Variants in TMC3 observed in about 807,000 individuals in gnomAD.
TMC3 encodes the protein transmembrane channel like 3, also known as transmembrane channel-like protein 3.
In TMC3, 98 loss-of-function variants were observed where a neutral mutation model predicts 110.6. The observed-to-expected ratio is 0.89, with a 90% CI of 0.75 to 1.05. The LOEUF (loss-of-function observed/expected upper bound fraction) is 1.05. Ranked by LOEUF, TMC3 falls within the 50% of genes least tolerant of loss-of-function variation. The probability of loss-of-function intolerance (pLI) is 0.00; values close to 1 mark genes in which losing one functional copy is unlikely to be tolerated. For synonymous variants in TMC3, 489 were observed against 513.1 expected, an observed-to-expected ratio of 0.95 and a Z score of 0.63; for missense variants, 1,319 against 1,373.2, an observed-to-expected ratio of 0.96 and a Z score of 0.62.
In TMC3 at chr15:81,374,150, G is replaced by GA; in HGVS notation, c.-74dup. 2 of 1,381,588 alleles carry GA rather than the reference G, an allele frequency of 1.4e-6. No individual in the cohort carries two copies. The highest frequency in any genetic ancestry group is 2.0e-6 in the Non-Finnish European group (2 of 982,840). The allele number at this position is 1,381,588 out of a possible 1,614,324, so 85.6% of individuals were successfully genotyped here. ...AAGTTGGCAGGCAAAGGTCTGTTCCGAGGTTTCTGAATGGAAGCAGCGGAG... is the reference window on the plus strand; with the variant it reads ...AAGTTGGCAGGCAAAGGTCTGTTCCGAAGGTTTCTGAATGGAAGCAGCGGAG... On this transcript the variant is annotated 5_prime_UTR_variant, in exon 1 of 22. Transcript: ENST00000359440.
At position 81,344,945 on chromosome 15, in the gene TMC3, CT is replaced by C; in HGVS notation, c.1338del (p.Ala447ProfsTer37). 6.2e-7 allele frequency: 1 copy of C among 1,612,260 alleles called. No individual in the cohort carries two copies. Among genetic ancestry groups the C allele is most frequent in the Non-Finnish European group, 8.5e-7 (1 of 1,179,236 alleles). On this transcript the variant is annotated frameshift_variant, in exon 13 of 22. Transcript: ENST00000359440. LOFTEE classifies it high-confidence loss of function. ...GTGGACCATTTCTCTTCTTCAGGGGCTGTCCTGGTTGCAAAGAAGGTGGTGG... is the reference window on the plus strand; with the variant it reads ...GTGGACCATTTCTCTTCTTCAGGGGCGTCCTGGTTGCAAAGAAGGTGGTGG... ...IDSTTFFATRTAPEEEKWSTS... is the reference protein window; with the variant it reads ...IDSTTFFATRXAPEEEKWSTS...
chr15:81,339,393 C>T lies in TMC3; in HGVS notation c.1955+1G>A. On this transcript the variant is annotated splice_donor_variant, in intron 17 of 21. Coordinates refer to ENST00000359440, the MANE Select transcript of TMC3 (RefSeq NM_001080532.3). LOFTEE classifies it high-confidence loss of function. ...CGGGCAGAGCTGGGAACGAAACTTA[C>T]CTGAATGGCCCACAGTTTAGAGATG... 1.9e-6 allele frequency: 3 copies of T among 1,606,680 alleles called. No individual in the cohort carries two copies. Among genetic ancestry groups the T allele is most frequent in the East Asian group, 2.2e-5 (1 of 44,680 alleles).
chr15:81,341,985 G>T (rs1321986168), intron 15 of TMC3, among the ~76,000 whole-genome samples: 9 of 152,192 alleles, frequency 5.9e-5, no homozygotes. Context: ...CTGCAATAGT[G>T]AGAGGAGAGG....
At chr15:81,372,455 A>T in intron 2 of TMC3, 136 bp downstream of exon 2, 2 of 1,047,974 alleles carry the variant, frequency 1.9e-6, no homozygotes, top group South Asian at 2.9e-5. Flanking sequence ...TATCTTTGTG[A>T]CTTTGCTAAT....
At chr15:81,357,203 G>A (rs1477260790) in intron 7 of TMC3, among the ~76,000 whole-genome samples, 1 of 152,018 alleles carries the variant, frequency 6.6e-6, no homozygotes, top group Non-Finnish European at 1.5e-5. Flanking sequence ...AGTCTTCCAT[G>A]TGGGTCCTGG....
chr15:81,348,962 G>A (rs1035180883), intron 11 of TMC3, among the ~76,000 whole-genome samples: 19 of 152,220 alleles, frequency 1.2e-4, no homozygotes, highest in African/African-American at 4.1e-4. Flanking sequence ...ATAGGCATGC[G>A]CCACCACGCC....
At chr15:81,341,564 T>C (rs766391241) in intron 15 of TMC3, 46 bp from the exon 16 acceptor site, 3 of 1,582,288 alleles carry the variant, frequency 1.9e-6, no homozygotes, top group East Asian at 2.3e-5. Context: ...TCTTTCAGCC[T>C]ATCTCCCAGG....
At chr15:81,343,745 CAAA>C (rs377587040) in intron 14 of TMC3, among the ~76,000 whole-genome samples, 169 bp downstream of exon 14, 2 of 117,742 alleles carry the variant, frequency 1.7e-5, no homozygotes, top group Non-Finnish European at 3.7e-5. Context: ...AAAAAACAGA[CAAA>C]AAAAAAAAAA....
intron 3 of TMC3, among the ~76,000 whole-genome samples, chr15:81,364,064 T>C (rs1377238825): frequency 6.6e-6 from 1 of 152,192 alleles, no homozygotes; most frequent in East Asian, 1.9e-4. Flanking sequence ...AAGATTTGAT[T>C]AGTGGCATTC....
chr15:81,332,929 C>A lies in TMC3; in HGVS notation c.2793G>T (p.Arg931=). The A allele has an allele frequency of 6.2e-7, 1 of 1,612,460 alleles. No individual in the cohort carries two copies. The highest frequency in any genetic ancestry group is 8.5e-7 in the Non-Finnish European group (1 of 1,179,510). Reference sequence around the variant, plus strand: ...GTGGGGAGGGAGGCTGGCGGGGGACCCGGGATGCATATTGTCGCACGTTCC... The same window carrying A: ...GTGGGGAGGGAGGCTGGCGGGGGACACGGGATGCATATTGTCGCACGTTCC... ...YPRNVRQYAS[R]VPRQPPSPQL... is the part of the protein sequence containing the mutation. The change falls in exon 22 of 22, where the codon CGG becomes CGT. Residue 931 remains arginine (R), a synonymous_variant. Coordinates refer to ENST00000359440, the MANE Select transcript of TMC3 (RefSeq NM_001080532.3).
chr15:81,362,373 C>T (rs1894208283), intron 3 of TMC3, 72 bp from the exon 4 acceptor site: 3 of 1,176,958 alleles, frequency 2.5e-6, no homozygotes, highest in East Asian at 2.5e-5. Flanking sequence ...TACTAGGCAC[C>T]TAAATGGAGT....
rs1031551484 is a variant in TMC3, at chr15:81,374,001, G to A, written c.77C>T (p.Ser26Phe). 1 of 1,613,714 alleles carries A rather than the reference G, an allele frequency of 6.2e-7. No individual in the cohort carries two copies. The highest frequency in any genetic ancestry group is 1.3e-5 in the African/African-American group (1 of 75,032). The change falls in exon 1 of 22, where the codon TCT becomes TTT. Residue 26 changes from serine to phenylalanine, a missense_variant. Transcript: ENST00000359440. ...GGGGCCAGCTCACCTGAGCAGCAGA[G>A]ATTCCTGGTAGAGGTAGCACTGGCT... ...NASQCYLYQESLLLSNLDDSF... is the reference protein window; with the variant it reads ...NASQCYLYQEFLLLSNLDDSF...
rs10676279 is a variant in TMC3 at position 81,370,680 on chromosome 15, CT to C, written c.236+1910del. On this transcript the variant is annotated intron_variant, in intron 2 of 21. Transcript: ENST00000359440. Reference sequence around the variant, plus strand: ...AGCAAAATTCTAATAGAAACTATTTCTTTTTTTTTTTTTTTTGAGACAGAGT... The same window carrying C: ...AGCAAAATTCTAATAGAAACTATTTCTTTTTTTTTTTTTTTGAGACAGAGT... 3.1e-3 allele frequency among the ~76,000 whole-genome samples: 435 copies of C among 139,174 alleles called. 1 individual carries two copies. The highest frequency in any genetic ancestry group is 4.4e-3 in the South Asian group (19 of 4,354). 91.3% of individuals were successfully genotyped at this position (139,174 alleles called of 152,430 possible).
intron 9 of TMC3, among the ~76,000 whole-genome samples, chr15:81,353,246 T>TAA (rs1324693242): frequency 7.1e-6 from 1 of 141,178 alleles, no homozygotes; most frequent in African/African-American, 3.1e-5. Context: ...TTTTAAGTAT[T>TAA]ACAAGAGTCA....
chr15:81,348,593 C>A (rs1354356720), intron 11 of TMC3, among the ~76,000 whole-genome samples: 1 of 152,352 alleles, frequency 6.6e-6, no homozygotes, highest in East Asian at 1.9e-4. Context: ...CCTGCTGTCA[C>A]AGCCACTGAC....
At chr15:81,369,190 G>A (rs1331805321) in intron 2 of TMC3, among the ~76,000 whole-genome samples, 2 of 152,050 alleles carry the variant, frequency 1.3e-5, no homozygotes, top group African/African-American at 4.8e-5. Context: ...GCTCTGGTCT[G>A]CGCATCACAG....
chr15:81,339,278 G>T, intron 17 of TMC3, 116 bp downstream of exon 17: 2 of 789,570 alleles, frequency 2.5e-6, no homozygotes, highest in Non-Finnish European at 4.2e-6. Flanking sequence ...ATGCGGGTTT[G>T]CAATCTTTCT....
rs768520758 is a variant in TMC3, at chr15:81,332,490, T to C, written c.3232A>G (p.Ser1078Gly). ...TGCCCCGACTTGGCCTTCCTCCTGCTGGGCTGGCCCACGGACCTCGGGAAC... is the reference window on the plus strand; with the variant it reads ...TGCCCCGACTTGGCCTTCCTCCTGCCGGGCTGGCCCACGGACCTCGGGAAC... ...GRFPRSVGQPSRRKAKSGQEL... is the reference protein window; with the variant it reads ...GRFPRSVGQPGRRKAKSGQEL... The change falls in exon 22 of 22, where the codon AGC becomes GGC. Residue 1078 changes from serine to glycine, a missense_variant. Transcript: ENST00000359440. The C allele has an allele frequency of 3.1e-6, 5 of 1,613,306 alleles. No individual in the cohort carries two copies. Among genetic ancestry groups the C allele is most frequent in the South Asian group, 1.1e-5 (1 of 90,880 alleles).
Position 81,358,261 on chromosome 15 carries a change from C to T in TMC3, c.631G>A (p.Gly211Arg), listed in dbSNP as rs201198651. 2.9e-5 allele frequency: 46 copies of T among 1,612,130 alleles called. No homozygotes were observed. In the Middle Eastern group the frequency reaches 4.9e-4, roughly 17 times the overall value. The change falls in exon 7 of 22, where the codon GGA becomes AGA. Residue 211 changes from glycine (G) to arginine (R), a missense_variant. By Grantham distance (125) the Gly-to-Arg change is moderately radical. Coordinates refer to ENST00000359440, the MANE Select transcript of TMC3 (RefSeq NM_001080532.3). Reference protein sequence around the residue: ...GYLQYSVLFYGYYGRERKIGR... With the variant: ...GYLQYSVLFYRYYGRERKIGR... ...ATCTTCCTCTCCCTGCCGTAATATC[C>T]GTAGAAGAGGACAGAGTACTGGAGG...
Sources: allele counts gnomAD v4.1 joint callset (sites outside exome capture counted in the v4.1 genomes callset), GRCh38; gene constraint gnomAD v4.1.1; transcripts MANE v1.5; gene names NCBI Gene and HGNC (gene_info 2026-07-23, HGNC 2026-07-21).